SHLD2: variants seen among roughly 807,000 people sequenced by gnomAD.
The protein encoded by SHLD2 is shieldin complex subunit 2.
In SHLD2, 30 loss-of-function variants were observed where a neutral mutation model predicts 73.2. The observed-to-expected ratio is 0.41, with a 90% CI of 0.31 to 0.56. SHLD2 has a LOEUF of 0.56. SHLD2 is among the 20% of genes least tolerant of loss of function. The pLI is 0.28. For missense variants in SHLD2, 745 were observed against 1,055.9 expected (o/e 0.71, Z 4.08); for synonymous variants, 285 against 370.1 (o/e 0.77, Z 2.64).
intron 2 of SHLD2, among the ~76,000 whole-genome samples, chr10:87,102,575 G>A (rs181960555): frequency 3.6e-4 from 54 of 152,086 alleles, no homozygotes; most frequent in African/African-American, 1.2e-3. Context: ...CAGGTGCAGT[G>A]GTGCGTGCCT....
intron 2 of SHLD2, among the ~76,000 whole-genome samples, chr10:87,099,115 C>T (rs545993739): frequency 6.6e-6 from 1 of 152,330 alleles, no homozygotes; most frequent in Non-Finnish European, 1.5e-5. Flanking sequence ...CCCATTCAAA[C>T]GAAGACCAAA....
chr10:87,108,188 T>C (rs1842719008), intron 2 of SHLD2, among the ~76,000 whole-genome samples: 2 of 152,172 alleles, frequency 1.3e-5, no homozygotes, highest in South Asian at 4.1e-4. Flanking sequence ...TAGCTGGGAT[T>C]ACAGGCATGC....
intron 6 of SHLD2, among the ~76,000 whole-genome samples, chr10:87,171,885 T>C (rs1847614871): frequency 6.6e-6 from 1 of 152,174 alleles, no homozygotes; most frequent in Non-Finnish European, 1.5e-5. Flanking sequence ...GTATCAGTGA[T>C]AGACTAACTA....
At chr10:87,110,346 A>G (rs1842841750) in intron 2 of SHLD2, among the ~76,000 whole-genome samples, 1 of 152,160 alleles carries the variant, frequency 6.6e-6, no homozygotes, top group African/African-American at 2.4e-5. Flanking sequence ...ACAATGGCTC[A>G]TGCCTGTAAT....
At chr10:87,100,016 C>T (rs760788515) in intron 2 of SHLD2, among the ~76,000 whole-genome samples, 23 of 151,716 alleles carry the variant, frequency 1.5e-4, no homozygotes, top group Non-Finnish European at 3.1e-4. Flanking sequence ...GATGTAAGTT[C>T]CTTACCAGAT....
In SHLD2 at chr10:87,152,849, G is replaced by T. The variant is rs770875696; in HGVS notation, c.1495G>T (p.Val499Leu). ...GACTGCAGCATTTTGGGCATTTACAGTGTTTCTTGGAGATATAATTTTACT... is the reference window on the plus strand; with the variant it reads ...GACTGCAGCATTTTGGGCATTTACATTGTTTCTTGGAGATATAATTTTACT... ...WRTAAFWAFTVFLGDIILLTD... is the reference protein window; with the variant it reads ...WRTAAFWAFTLFLGDIILLTD... The change falls in exon 3 of 10, where the codon GTG becomes TTG. Residue 499 changes from valine (V) to leucine (L), a missense_variant. Around this residue, in one of 5 missense-constraint regions of SHLD2, gnomAD observed 418 missense variants for 567.8 expected, o/e 0.74. Transcript: ENST00000298786. 3 of 1,611,540 alleles carry T rather than the reference G, an allele frequency of 1.9e-6. No homozygotes were observed. The Admixed American group carries it at 5.0e-5, about 27-fold the overall frequency.
At chr10:87,135,551 G>C (rs1255494507) in intron 2 of SHLD2, among the ~76,000 whole-genome samples, 1 of 151,986 alleles carries the variant, frequency 6.6e-6, no homozygotes, top group Non-Finnish European at 1.5e-5. Flanking sequence ...GGAGTGCAGT[G>C]GTATGATGAC....
At chr10:87,143,862 C>CTTTTTTTTTT (rs61651864) in intron 2 of SHLD2, among the ~76,000 whole-genome samples, 1 of 104,760 alleles carries the variant, frequency 9.5e-6, no homozygotes, top group Non-Finnish European at 2.0e-5. Flanking sequence ...TTTATTCTTT[C>CTTTTTTTTTT]TTTTTTTTTT....
chr10:87,172,787 T>C (rs1446649391), intron 6 of SHLD2, among the ~76,000 whole-genome samples: 1 of 152,054 alleles, frequency 6.6e-6, no homozygotes, highest in African/African-American at 2.4e-5. Flanking sequence ...TTATATATAA[T>C]AGTATCTCAT....
intron 6 of SHLD2, among the ~76,000 whole-genome samples, chr10:87,172,434 A>C (rs1847652587): frequency 6.6e-6 from 1 of 152,224 alleles, no homozygotes; most frequent in South Asian, 2.1e-4. Context: ...AGTGGATGGG[A>C]AAACAGTTAA....
intron 2 of SHLD2, among the ~76,000 whole-genome samples, chr10:87,124,218 T>C (rs577914008): frequency 5.8e-4 from 88 of 152,294 alleles, no homozygotes; most frequent in African/African-American, 2.0e-3. Flanking sequence ...TATTATACAA[T>C]GACCTCACAT....
chr10:87,106,875 A>G (rs539598329), intron 2 of SHLD2, among the ~76,000 whole-genome samples: 5 of 152,274 alleles, frequency 3.3e-5, no homozygotes, highest in African/African-American at 9.6e-5. Flanking sequence ...TGGATTCTCT[A>G]TGTTATAGTA....
intron 2 of SHLD2, among the ~76,000 whole-genome samples, chr10:87,122,351 A>T (rs2134086881): frequency 6.6e-6 from 1 of 152,180 alleles, no homozygotes; most frequent in East Asian, 1.9e-4. Flanking sequence ...TTGGCAAGCT[A>T]AATTTAATCA....
chr10:87,126,771 C>A (rs1363435061), intron 2 of SHLD2, among the ~76,000 whole-genome samples: 9 of 152,096 alleles, frequency 5.9e-5, no homozygotes, highest in Non-Finnish European at 1.3e-4. Flanking sequence ...TTTAGTTGTC[C>A]TGCTAAGATA....
At chr10:87,145,101 C>T (rs956402396) in intron 2 of SHLD2, among the ~76,000 whole-genome samples, 11 of 150,466 alleles carry the variant, frequency 7.3e-5, no homozygotes, top group African/African-American at 9.8e-5. Flanking sequence ...CCACCACGCT[C>T]GGCTAATTTT....
intron 2 of SHLD2, among the ~76,000 whole-genome samples, chr10:87,145,959 G>A (rs1845576245): frequency 6.6e-6 from 1 of 152,074 alleles, no homozygotes. Flanking sequence ...GTATAATTTG[G>A]CTATCATACA....
At chr10:87,131,850 C>T (rs1162526806) in intron 2 of SHLD2, among the ~76,000 whole-genome samples, 1 of 152,176 alleles carries the variant, frequency 6.6e-6, no homozygotes, top group African/African-American at 2.4e-5. Context: ...ACAAGTGTCC[C>T]AATTTCTCCA....
At chr10:87,176,429 C>T (rs1847956379) in intron 7 of SHLD2, among the ~76,000 whole-genome samples, 1 of 152,162 alleles carries the variant, frequency 6.6e-6, no homozygotes, top group African/African-American at 2.4e-5. Flanking sequence ...GAATTACAGG[C>T]ATGAGCCACC....
At chr10:87,095,567 T>C (rs1163677022) in intron 1 of SHLD2, among the ~76,000 whole-genome samples, 1 of 152,190 alleles carries the variant, frequency 6.6e-6, no homozygotes, top group Non-Finnish European at 1.5e-5. Flanking sequence ...GGGCTCGGCG[T>C]CACCAGCCAG....
Sources: allele counts gnomAD v4.1 joint callset (sites outside exome capture counted in the v4.1 genomes callset), GRCh38; gene constraint gnomAD v4.1.1; regional missense constraint gnomAD v4.1.1; transcripts MANE v1.5; gene names NCBI Gene and HGNC (gene_info 2026-07-23, HGNC 2026-07-21).